The following TECPR2 variants were observed in gnomAD, a reference collection of about 807,000 sequenced individuals.
The protein encoded by TECPR2 is tectonin beta-propeller repeat-containing protein 2.
TECPR2 carries 65 observed loss-of-function variants against 138.1 expected under a neutral mutation model. The observed-to-expected ratio is 0.47, with a 90% CI of 0.39 to 0.58. The LOEUF (loss-of-function observed/expected upper bound fraction) is 0.58, where lower values mean the gene tolerates loss of function less well. TECPR2 is among the 20% of genes least tolerant of loss of function. TECPR2 has a pLI of 0.00. For missense variants in TECPR2, 1,553 were observed against 1,824.5 expected (o/e 0.85, Z 2.71); for synonymous variants, 746 against 749.8 (o/e 0.99, Z 0.08).
At chr14:102,494,508 A>T (rs1595151919) in intron 17 of TECPR2, among the ~76,000 whole-genome samples, 1 of 150,806 alleles carries the variant, frequency 6.6e-6, no homozygotes, top group Non-Finnish European at 1.5e-5. Flanking sequence ...ACGCCACTGC[A>T]CTCCAGACAC....
chr14:102,415,636 C>T lies in TECPR2; in HGVS notation c.638+843C>T, dbSNP rs557103733. On this transcript the variant is annotated intron_variant, in intron 5 of 19. Transcript: ENST00000359520. The surrounding 1 kb of genome is among the most constrained non-coding windows in gnomAD (Gnocchi z 4.3). ...TGCCAAGGAGGAGGTAGACTGGGGC[C>T]AACGTGGGGGTGGGAAGCAGAGGGC... Among the ~76,000 whole-genome samples, 1 of 152,054 alleles carries T rather than the reference C, an allele frequency of 6.6e-6. No homozygotes were observed. Among genetic ancestry groups the T allele is most frequent in the East Asian group, 1.9e-4 (1 of 5,170 alleles).
intron 17 of TECPR2, among the ~76,000 whole-genome samples, chr14:102,487,221 T>C (rs781780828): frequency 6.6e-5 from 10 of 152,214 alleles, no homozygotes; most frequent in Non-Finnish European, 1.5e-4. Context: ...TCCAGAGGCG[T>C]CTTTCCTGGG....
chr14:102,485,395 C>CT (rs1195993603), intron 17 of TECPR2, among the ~76,000 whole-genome samples: 1 of 152,122 alleles, frequency 6.6e-6, no homozygotes, highest in Non-Finnish European at 1.5e-5. Flanking sequence ...TCCATGTTGC[C>CT]TTTTTTTCCT....
intron 2 of TECPR2, among the ~76,000 whole-genome samples, chr14:102,385,005 C>T (rs982193989): frequency 8.6e-5 from 13 of 151,470 alleles, no homozygotes; most frequent in Admixed American, 3.3e-4. Flanking sequence ...TACAGGTGTG[C>T]GCCACCACAT....
intron 16 of TECPR2, among the ~76,000 whole-genome samples, chr14:102,453,504 A>C (rs1567349250): frequency 6.6e-6 from 1 of 151,972 alleles, no homozygotes; most frequent in South Asian, 2.1e-4. Flanking sequence ...AAGAAGAAAG[A>C]AAGAAATGTA....
At chr14:102,437,373 C>T (rs1371630058) in intron 9 of TECPR2, among the ~76,000 whole-genome samples, 1 of 152,080 alleles carries the variant, frequency 6.6e-6, no homozygotes, top group Admixed American at 6.5e-5. Flanking sequence ...ATGGCGAAAC[C>T]CCGTCTCTAC....
chr14:102,454,990 A>G (rs768638410), intron 16 of TECPR2, among the ~76,000 whole-genome samples: 1 of 152,164 alleles, frequency 6.6e-6, no homozygotes, highest in Admixed American at 6.5e-5. Flanking sequence ...CAGTCCTCCC[A>G]GCACCGGCTA....
chr14:102,382,244 G>A (rs1299123522), intron 2 of TECPR2, among the ~76,000 whole-genome samples: 2 of 151,674 alleles, frequency 1.3e-5, no homozygotes, highest in Non-Finnish European at 2.9e-5. Flanking sequence ...AGTGAGCCAA[G>A]ATCGCGCCAT....
At position 102,414,743 on chromosome 14, in the gene TECPR2, T is replaced by C. The variant is rs1240987394; in HGVS notation, c.588T>C (p.Phe196=). 1.1e-5 allele frequency: 18 copies of C among 1,614,112 alleles called. No homozygotes were observed. The highest frequency in any genetic ancestry group is 1.4e-5 in the Non-Finnish European group (16 of 1,180,050). Residue 196 remains phenylalanine, a synonymous_variant, in exon 5 of 20, where the codon TTT becomes TTC. Transcript: ENST00000359520. ...CTACTCTGCAAAGAAGTCTGCTCTT[T>C]TACACTGAAGAAAAGTCTGTAAGGC... ...LVSTLQRSLL[F]YTEEKSVRQI...
intron 2 of TECPR2, among the ~76,000 whole-genome samples, chr14:102,377,720 A>G (rs1887678317): frequency 6.6e-6 from 1 of 152,290 alleles, no homozygotes; most frequent in South Asian, 2.1e-4. Context: ...AAAAGAAAGA[A>G]AGAAAAAAAG....
chr14:102,482,727 C>T (rs1890920402), intron 17 of TECPR2, among the ~76,000 whole-genome samples: 1 of 152,060 alleles, frequency 6.6e-6, no homozygotes, highest in African/African-American at 2.4e-5. Flanking sequence ...CACCCTTGAC[C>T]TTGCTGGATA....
intron 5 of TECPR2, among the ~76,000 whole-genome samples, chr14:102,417,398 C>G (rs1889054720): frequency 6.6e-6 from 1 of 152,192 alleles, no homozygotes; most frequent in Admixed American, 6.5e-5. Flanking sequence ...GAGACAAGGC[C>G]TCTGCCCTCA....
At chr14:102,405,997 A>G (rs2061321716) in intron 2 of TECPR2, among the ~76,000 whole-genome samples, 1 of 151,908 alleles carries the variant, frequency 6.6e-6, no homozygotes, top group Non-Finnish European at 1.5e-5. Context: ...GGTAAAAGGA[A>G]TCTGAGGAGA....
Position 102,445,947 on chromosome 14 carries a change from AGTAGGT to A in TECPR2, c.3075+3_3075+8del. The A allele has an allele frequency of 2.5e-6, 4 of 1,613,734 alleles. No homozygotes were observed. Among genetic ancestry groups the A allele is most frequent in the Non-Finnish European group, 3.4e-6 (4 of 1,179,838 alleles). ...AAGGAGATGACGACCATTGGTGGCA[AGTAGGT>A]GTTCAGCTCTGCGCCACGTGCCGAG... On this transcript the variant is annotated splice_donor_variant and splice_donor_5th_base_variant and intron_variant, in intron 13 of 19. Transcript: ENST00000359520. LOFTEE classifies it high-confidence loss of function.
At position 102,434,742 on chromosome 14, in the gene TECPR2, TC is replaced by T. The variant is rs1889609971; in HGVS notation, c.1930del (p.Leu644SerfsTer2). On this transcript the variant is annotated frameshift_variant, in exon 9 of 20. Coordinates refer to ENST00000359520, the MANE Select transcript of TECPR2 (RefSeq NM_014844.5). LOFTEE classifies it high-confidence loss of function. ...GGCCCCCAAAGCACTTTTTGTGAAG[TC>T]CCCCTCCTGAACTCACTCACTGTGC... ...PIGPQSTFCEVPLLNSLTVPS... is the reference protein window; with the variant it reads ...PIGPQSTFCEXPLLNSLTVPS... The T allele has an allele frequency of 1.2e-6, 2 of 1,613,414 alleles. No homozygotes were observed. The highest frequency in any genetic ancestry group is 1.6e-4 in the Middle Eastern group (1 of 6,084).
chr14:102,429,911 G>A (rs1889420548), intron 7 of TECPR2, among the ~76,000 whole-genome samples: 1 of 152,116 alleles, frequency 6.6e-6, no homozygotes, highest in African/African-American at 2.4e-5. Context: ...CTGAGTACTT[G>A]CAATATAGCA....
At chr14:102,383,168 T>A (rs919882985) in intron 2 of TECPR2, among the ~76,000 whole-genome samples, 17 of 152,206 alleles carry the variant, frequency 1.1e-4, no homozygotes, top group African/African-American at 4.1e-4. Context: ...TTGTGCTACC[T>A]CCTAATCATT....
chr14:102,416,920 G>A (rs553144577), intron 5 of TECPR2, among the ~76,000 whole-genome samples: 3 of 152,266 alleles, frequency 2.0e-5, no homozygotes, highest in Non-Finnish European at 4.4e-5. Flanking sequence ...GGAGACAAAG[G>A]TTGCAGTGAG....
At position 102,499,459 on chromosome 14, in the gene TECPR2, G is replaced by A. The variant is rs756427377; in HGVS notation, c.*1202G>A. 2.6e-5 allele frequency: 14 copies of A among 541,546 alleles called. No individual in the cohort carries two copies. Among genetic ancestry groups the A allele is most frequent in the Non-Finnish European group, 4.0e-5 (12 of 301,056 alleles). 33.5% of individuals were successfully genotyped at this position (541,546 alleles called of 1,614,324 possible). On this transcript the variant is annotated 3_prime_UTR_variant, in exon 20 of 20. Transcript: ENST00000359520. ...TTTGTCCTGAGCCTGCACTGTCCTC[G>A]CCTGCAGCCTCAGAGGGGCAGGCAT... is the stretch of plus-strand genomic sequence containing the variant.
Sources: allele counts gnomAD v4.1 joint callset (sites outside exome capture counted in the v4.1 genomes callset), GRCh38; gene constraint gnomAD v4.1.1; non-coding constraint Gnocchi (gnomAD v3.1); transcripts MANE v1.5; gene names NCBI Gene and HGNC (gene_info 2026-07-23, HGNC 2026-07-21).